PCBP3: variants seen among roughly 807,000 people sequenced by gnomAD.
PCBP3 encodes the protein poly(rC)-binding protein 3.
In PCBP3, 25 loss-of-function variants were observed where a neutral mutation model predicts 52.7. The observed-to-expected ratio is 0.47, with a 90% CI of 0.35 to 0.66. The LOEUF (loss-of-function observed/expected upper bound fraction) is 0.66. Ranked by LOEUF, PCBP3 falls within the 30% of genes least tolerant of loss-of-function variation. The pLI, the probability that PCBP3 is intolerant of heterozygous loss-of-function variation, is 0.01. For missense variants in PCBP3, 391 were observed against 490.3 expected (o/e 0.80, Z 1.91); for synonymous variants, 162 against 183.0 (o/e 0.89, Z 0.93).
rs564820330 is a variant in PCBP3, at chr21:45,893,375, G to C, written c.11-2833G>C. Among the ~76,000 whole-genome samples the C allele has an allele frequency of 4.6e-5, 7 of 152,162 alleles. No individual in the cohort carries two copies. In the South Asian group the frequency reaches 1.5e-3, roughly 32 times the overall value. ...GCTCAGATTGTGCCTCACATGGTGG[G>C]TGGGGCTGCTGGGCTTGTTAATGCA... On this transcript the variant is annotated intron_variant, in intron 5 of 17. Transcript: ENST00000681687.
At chr21:45,889,129 G>A (rs989938402) in intron 5 of PCBP3, among the ~76,000 whole-genome samples, 1 of 152,206 alleles carries the variant, frequency 6.6e-6, no homozygotes, top group Non-Finnish European at 1.5e-5. Context: ...CCTCATCCTG[G>A]GTCTGTTTCG....
In PCBP3 at chr21:45,880,327, A is replaced by G. The variant is rs1486220421; in HGVS notation, c.11-15881A>G. Among the ~76,000 whole-genome samples, 1 of 151,936 alleles carries G rather than the reference A, an allele frequency of 6.6e-6. No homozygotes were observed. The highest frequency in any genetic ancestry group is 1.5e-5 in the Non-Finnish European group (1 of 68,004). ...GGGCGCCGCGGTCCTGACCCCACAC[A>G]ACTTCTTCTGCCATGGCCCAAACCC... On this transcript the variant is annotated intron_variant, in intron 5 of 17. Coordinates refer to ENST00000681687, the MANE Select transcript of PCBP3 (RefSeq NM_001384156.1). This position sits in a 1 kb window ranked among gnomAD's most constrained non-coding sequence, Gnocchi z 5.4.
intron 5 of PCBP3, among the ~76,000 whole-genome samples, chr21:45,884,396 A>G (rs774624034): frequency 2.0e-5 from 3 of 152,170 alleles, no homozygotes; most frequent in Non-Finnish European, 2.9e-5. Context: ...TGTAGGTAGT[A>G]TATCATATAT....
intron 11 of PCBP3, among the ~76,000 whole-genome samples, 170 bp from the exon 12 acceptor site, chr21:45,913,781 G>T (rs1036482427): frequency 2.0e-5 from 3 of 152,162 alleles, no homozygotes; most frequent in African/African-American, 7.2e-5. Flanking sequence ...GGGTGTGGGG[G>T]CTGGAGGTCT....
chr21:45,927,607 C>T (rs907590356), intron 13 of PCBP3, among the ~76,000 whole-genome samples: 24 of 151,720 alleles, frequency 1.6e-4, no homozygotes, highest in Non-Finnish European at 2.2e-4. Context: ...CCCCCAGCAC[C>T]GCCCAGTGCT....
At chr21:45,797,333 G>GTGATTGTGTGCATGGATGGA (rs2091974265) in intron 4 of PCBP3, among the ~76,000 whole-genome samples, 1 of 150,830 alleles carries the variant, frequency 6.6e-6, no homozygotes, top group Admixed American at 6.6e-5. Context: ...CATAGAGAGA[G>GTGATTGTGTGCATGGATGGA]TGAATGCATG....
intron 4 of PCBP3, among the ~76,000 whole-genome samples, chr21:45,812,346 C>T (rs1284186256): frequency 6.6e-6 from 1 of 152,188 alleles, no homozygotes; most frequent in African/African-American, 2.4e-5. Context: ...TACTCTTTCT[C>T]ACGGATCTGA....
At chr21:45,940,296 G>A (rs565468060) in intron 17 of PCBP3, 97 bp downstream of exon 17, 1 of 1,036,794 alleles carries the variant, frequency 9.6e-7, no homozygotes, top group South Asian at 1.5e-5. Context: ...AGGAGGCACA[G>A]TCTGGGCCAC....
At chr21:45,667,814 A>AT (rs1274840429) in intron 1 of PCBP3, among the ~76,000 whole-genome samples, 5 of 151,118 alleles carry the variant, frequency 3.3e-5, no homozygotes, top group Admixed American at 2.0e-4. Context: ...CCTTTCTTCC[A>AT]TTTTTTTTGT....
intron 10 of PCBP3, among the ~76,000 whole-genome samples, chr21:45,909,710 CGGCCACCCACTGCCCAGATACAGACCT>C (rs1569484118): frequency 6.7e-5 from 10 of 149,248 alleles, no homozygotes; most frequent in African/African-American, 1.2e-4. Context: ...GATACGGACC[CGGCCACCCACTGCCCAGATACAGACCT>C]GGCCCACCCA....
intron 13 of PCBP3, among the ~76,000 whole-genome samples, chr21:45,922,453 G>C (rs1487652375): frequency 1.3e-5 from 2 of 152,156 alleles, no homozygotes; most frequent in East Asian, 3.8e-4. Context: ...TACTCAGGAG[G>C]CTAAGGTGGG....
chr21:45,888,386 C>G (rs1418848843), intron 5 of PCBP3, among the ~76,000 whole-genome samples: 1 of 152,220 alleles, frequency 6.6e-6, no homozygotes, highest in Non-Finnish European at 1.5e-5. Context: ...CAGTCTGCTC[C>G]TTGCATTTAT....
chr21:45,906,433 T>C lies in PCBP3; in HGVS notation c.340-2922T>C, dbSNP rs991695604. ...GGGTCGGGCCGGGGAGGCCTTTGGA[T>C]AGGGGCTAGGGTCGGGTCGGGAAGG... On this transcript the variant is annotated intron_variant, in intron 9 of 17. Coordinates refer to ENST00000681687, the MANE Select transcript of PCBP3 (RefSeq NM_001384156.1). Among the ~76,000 whole-genome samples, 46 of 151,740 alleles carry C rather than the reference T, an allele frequency of 3.0e-4. 1 individual carries two copies. The highest frequency in any genetic ancestry group is 8.8e-5 in the Non-Finnish European group (6 of 67,930).
At chr21:45,914,993 G>A (rs1247378947) in intron 12 of PCBP3, 1 of 152,274 alleles carries the variant, frequency 6.6e-6, no homozygotes, top group Admixed American at 6.5e-5. Context: ...AGATCTCCCA[G>A]TTGTGGCCCG....
chr21:45,784,989 C>T (rs1210453057), intron 4 of PCBP3, among the ~76,000 whole-genome samples: 3 of 151,654 alleles, frequency 2.0e-5, no homozygotes, highest in South Asian at 2.1e-4. Context: ...CGTCTCTGCC[C>T]GGCCGCCATC....
Position 45,847,184 on chromosome 21 carries a change from C to T in PCBP3, c.-125-2777C>T, listed in dbSNP as rs140757202. On this transcript the variant is annotated intron_variant, in intron 4 of 17. Coordinates refer to ENST00000681687, the MANE Select transcript of PCBP3 (RefSeq NM_001384156.1). ...CTGTTATAAATAACACCTCTCATTG[C>T]ACCCTTAGTCCCTTGTTTCTTCCTC... Among the ~76,000 whole-genome samples, 234 of 152,194 alleles carry T rather than the reference C, an allele frequency of 1.5e-3. 3 individuals are homozygous for T. The highest frequency in any genetic ancestry group is 5.2e-3 in the African/African-American group (214 of 41,528).
Position 45,896,313 on chromosome 21 carries a change from A to C in PCBP3, c.116A>C (p.Glu39Ala). ...AGAAGGATGGAGTCCAAGGTCTCAG[A>C]AGGTGGCCTGAATGTGACCCTCACC... ...FGRRMESKVS[E>A]GGLNVTLTIR... Residue 39 changes from glutamate (E) to alanine (A), a missense_variant, in exon 6 of 18, where the codon GAA (glutamate) becomes GCA (alanine). Transcript: ENST00000681687. The C allele has an allele frequency of 6.4e-7, 1 of 1,552,126 alleles. No individual in the cohort carries two copies. Among genetic ancestry groups the C allele is most frequent in the Non-Finnish European group, 8.7e-7 (1 of 1,147,090 alleles).
At position 45,672,588 on chromosome 21, in the gene PCBP3, T is replaced by A. The variant is rs562561976; in HGVS notation, c.-200+3636T>A. Among the ~76,000 whole-genome samples, 15 of 152,244 alleles carry A rather than the reference T, an allele frequency of 9.9e-5. No homozygotes were observed. The East Asian group carries it at 2.7e-3, about 27-fold the overall frequency. ...AACTATAGCCAAAGTTCTTTTCTAG[T>A]CTTCCAGCTACTTCATATTTTTGCT... On this transcript the variant is annotated intron_variant, in intron 2 of 17. Transcript: ENST00000681687.
chr21:45,651,864 T>G (rs2079705084), intron 1 of PCBP3, among the ~76,000 whole-genome samples: 1 of 152,236 alleles, frequency 6.6e-6, no homozygotes, highest in African/African-American at 2.4e-5. Flanking sequence ...TTTCTGTAAC[T>G]CACCAGGTTG....
Sources: allele counts gnomAD v4.1 joint callset (sites outside exome capture counted in the v4.1 genomes callset), GRCh38; gene constraint gnomAD v4.1.1; non-coding constraint Gnocchi (gnomAD v3.1); transcripts MANE v1.5; gene names NCBI Gene and HGNC (gene_info 2026-07-23, HGNC 2026-07-21).